The following GAREM2 variants were observed in gnomAD, a reference collection of about 807,000 sequenced individuals.
GAREM2 encodes GRB2 associated regulator of MAPK1 subtype 2, also known as GRB2-associated and regulator of MAPK protein 2.
In GAREM2, 30 loss-of-function variants were observed where a neutral mutation model predicts 55.6. That is an observed-to-expected ratio of 0.54 (90% CI 0.40 to 0.73). The LOEUF is 0.73. Ranked by LOEUF, GAREM2 falls within the 30% of genes least tolerant of loss-of-function variation. The pLI is 0.00. For missense variants in GAREM2, 1,075 were observed against 1,257.7 expected, an observed-to-expected ratio of 0.85 and a Z score of 2.20; for synonymous variants, 550 against 569.1, an observed-to-expected ratio of 0.97 and a Z score of 0.48.
At chr2:26,190,185 C>G (rs1362030174), downstream of GAREM2, among the ~76,000 whole-genome samples, 1 of 152,136 alleles carries the variant, frequency 6.6e-6, no homozygotes, top group Non-Finnish European at 1.5e-5. Flanking sequence ...GAGCTGGGAC[C>G]AGGGACATAT....
chr2:26,198,661 T>TAA, the GAREM2 span, among the ~76,000 whole-genome samples: 64 of 148,770 alleles, frequency 4.3e-4, no homozygotes, highest in Admixed American at 8.7e-4. Flanking sequence ...CCTTAAGATT[T>TAA]AAAAAAAAAA....
intron 3 of GAREM2, 125 bp from the exon 4 acceptor site, chr2:26,184,108 C>CATCT: frequency 7.1e-7 from 1 of 1,405,784 alleles, no homozygotes; most frequent in East Asian, 2.7e-5. Flanking sequence ...CCTGGCCTAC[C>CATCT]ATCTAGTCCG....
At chr2:26,180,941 T>C in intron 2 of GAREM2, 2 of 985,516 alleles carry the variant, frequency 2.0e-6, no homozygotes, top group Non-Finnish European at 2.4e-6. Context: ...CTGACCAGGC[T>C]GGTGGCCTGA....
Position 26,187,498 on chromosome 2 carries a change from G to C in GAREM2, c.1866G>C (p.Lys622Asn), listed in dbSNP as rs1669315665. Residue 622 changes from lysine to asparagine, a missense_variant, in exon 6 of 6, where the codon AAG (lysine) becomes AAC (asparagine). Transcript: ENST00000401533. ...TATTCAAGCCCTCACATCCCCAGAAGCGCTTTGCTCCGTTTGGAGCTCTCA... is the reference window on the plus strand; with the variant it reads ...TATTCAAGCCCTCACATCCCCAGAACCGCTTTGCTCCGTTTGGAGCTCTCA... ...PPLFKPSHPQKRFAPFGALNP... is the reference protein window; with the variant it reads ...PPLFKPSHPQNRFAPFGALNP... The C allele has an allele frequency of 1.3e-6, 2 of 1,545,706 alleles. No homozygotes were observed. The highest frequency in any genetic ancestry group is 2.7e-5 in the African/African-American group (2 of 72,966).
Position 26,185,285 on chromosome 2 carries a change from G to C in GAREM2, c.1428+9G>C, listed in dbSNP as rs1669210937. On this transcript the variant is annotated intron_variant, in intron 4 of 5. Transcript: ENST00000401533. Reference sequence around the variant, plus strand: ...CTCCCAAATCCGAGGCGGTGAGTGAGCGCGCTGGGGGCCGAGTCCCGGGTC... The same window carrying C: ...CTCCCAAATCCGAGGCGGTGAGTGACCGCGCTGGGGGCCGAGTCCCGGGTC... 2.0e-6 allele frequency: 3 copies of C among 1,501,574 alleles called. No homozygotes were observed. In the African/African-American group the frequency reaches 4.3e-5, roughly 22 times the overall value. 93.0% of individuals were successfully genotyped at this position (1,501,574 alleles called of 1,614,324 possible). A position where few individuals can be genotyped will look rare whatever the true frequency, so the allele number is the denominator to read the frequency against.
chr2:26,173,394 G>A, intron 1 of GAREM2, 62 bp downstream of exon 1: 1 of 925,610 alleles, frequency 1.1e-6, no homozygotes, highest in Non-Finnish European at 1.4e-6. Flanking sequence ...TCTCCAGCCA[G>A]GGGCCAGAGG....
the GAREM2 span, chr2:26,194,780 T>TA: frequency 1.4e-6 from 1 of 729,500 alleles, no homozygotes; most frequent in East Asian, 2.6e-5. Flanking sequence ...TCAGAATCCT[T>TA]AAAAATGAAA....
rs975923125 is a variant in GAREM2 at position 26,187,175 on chromosome 2, C to T, written c.1599-56C>T. The T allele has an allele frequency of 1.6e-5, 23 of 1,410,452 alleles. No individual in the cohort carries two copies. In the Admixed American group the frequency reaches 1.6e-4, roughly 10 times the overall value. The allele number at this position is 1,410,452 out of a possible 1,614,324, so 87.4% of individuals were successfully genotyped here. ...GGTTGCAATGCATGTGTGACCCTAT[C>T]GGATTCCCTCTCAGCCTCACCTGTC... On this transcript the variant is annotated intron_variant, in intron 5 of 5. Coordinates refer to ENST00000401533, the MANE Select transcript of GAREM2 (RefSeq NM_001168241.2).
At chr2:26,193,806 AG>A (rs762714379), downstream of GAREM2, 1,185 of 1,567,786 alleles carry the variant, frequency 7.6e-4, 3 homozygotes, top group Non-Finnish European at 8.0e-4. Flanking sequence ...CCTCAGGGGA[AG>A]GGCAGCCCAA....
chr2:26,179,004 G>C lies in GAREM2; in HGVS notation c.253+2520G>C, dbSNP rs1033907081. Among the ~76,000 whole-genome samples the C allele has an allele frequency of 2.7e-5, 4 of 149,480 alleles. No homozygotes were observed. The highest frequency in any genetic ancestry group is 9.9e-5 in the African/African-American group (4 of 40,264). ...GATTTCTCCTAATGAATTAATAATG[G>C]CGCTCGGGCGGGCGGGGGTGGCCGG... On this transcript the variant is annotated intron_variant, in intron 2 of 5. Transcript: ENST00000401533. This position sits in a 1 kb window ranked among gnomAD's most constrained non-coding sequence, Gnocchi z 4.7.
the GAREM2 span, among the ~76,000 whole-genome samples, chr2:26,194,825 T>A: frequency 2.9e-3 from 441 of 152,136 alleles, 1 homozygote; most frequent in African/African-American, 9.1e-3. Context: ...TAGCCTGGCT[T>A]GAATCAAACA....
downstream of GAREM2, chr2:26,193,915 C>G: frequency 1.5e-6 from 1 of 673,172 alleles, no homozygotes; most frequent in Non-Finnish European, 2.6e-6. Flanking sequence ...GGTGCTATTT[C>G]ATTCAGGGAA....
chr2:26,188,426 G>A lies in GAREM2; in HGVS notation c.*169G>A, dbSNP rs1374342999. 3 of 509,288 alleles carry A rather than the reference G, an allele frequency of 5.9e-6. No homozygotes were observed. The highest frequency in any genetic ancestry group is 1.0e-5 in the Non-Finnish European group (3 of 298,154). The allele number at this position is 509,288 out of a possible 1,614,324, so 31.5% of individuals were successfully genotyped here. On this transcript the variant is annotated 3_prime_UTR_variant, in exon 6 of 6. Coordinates refer to ENST00000401533, the MANE Select transcript of GAREM2 (RefSeq NM_001168241.2). The stretch of plus-strand genomic sequence containing the variant: ...GCATGTGGAAATGTGGTCCTCTGGG[G>A]TCAGACCCCTGCACGGGACATCTTG...
the GAREM2 span, chr2:26,204,095 G>T: frequency 6.2e-7 from 1 of 1,613,682 alleles, no homozygotes; most frequent in South Asian, 1.1e-5. Context: ...TCGGTCTAGC[G>T]CAGTGAGGGT....
Position 26,187,928 on chromosome 2 carries a change from G to A in GAREM2, c.2296G>A (p.Glu766Lys), listed in dbSNP as rs772514201. 2.5e-5 allele frequency: 36 copies of A among 1,449,760 alleles called. No individual in the cohort carries two copies. Among genetic ancestry groups the A allele is most frequent in the African/African-American group, 4.3e-5 (3 of 69,558 alleles). 89.8% of individuals were successfully genotyped at this position (1,449,760 alleles called of 1,614,324 possible). Reference sequence around the variant, plus strand: ...GTCACCAGCTGCTCTGCAGGGACCCGAGGCGGGAGGAGCACTTTTTCTAAC... The same window carrying A: ...GTCACCAGCTGCTCTGCAGGGACCCAAGGCGGGAGGAGCACTTTTTCTAAC... ...PLSPAALQGP[E>K]AGGALFLTQG... Residue 766 changes from glutamate (E) to lysine (K), a missense_variant, in exon 6 of 6, where the codon GAG (glutamate) becomes AAG (lysine). By Grantham distance (56) the Glu-to-Lys change is moderately conservative (BLOSUM62 1). This residue lies in a region of GAREM2 where 142 missense variants were observed against 172.3 expected (regional missense o/e 0.82). Coordinates refer to ENST00000401533, the MANE Select transcript of GAREM2 (RefSeq NM_001168241.2).
At chr2:26,178,801 C>T (rs926818940) in intron 2 of GAREM2, among the ~76,000 whole-genome samples, 3 of 144,826 alleles carry the variant, frequency 2.1e-5, no homozygotes, top group Non-Finnish European at 4.6e-5. Flanking sequence ...CGGTGGTGGT[C>T]TTGGAGGGGT....
the GAREM2 span, among the ~76,000 whole-genome samples, chr2:26,202,704 G>A: frequency 6.6e-6 from 1 of 152,206 alleles, no homozygotes; most frequent in Non-Finnish European, 1.5e-5. Flanking sequence ...TTGCACCATT[G>A]TGCTCTAGCC....
At chr2:26,176,593 T>C in intron 2 of GAREM2, 109 bp downstream of exon 2, 2 of 1,093,954 alleles carry the variant, frequency 1.8e-6, no homozygotes, top group Non-Finnish European at 2.4e-6. Flanking sequence ...GTGATTAGGG[T>C]TAGGGTTGGA....
At chr2:26,173,775 C>T (rs1315843268) in intron 1 of GAREM2, among the ~76,000 whole-genome samples, 1 of 152,202 alleles carries the variant, frequency 6.6e-6, no homozygotes, top group Non-Finnish European at 1.5e-5. Context: ...AGTCCTGCTC[C>T]GCCCCTCTGG....
Sources: gnomAD v4.1 joint callset for allele counts (sites outside exome capture counted in the v4.1 genomes callset) on GRCh38, gnomAD v4.1.1 for gene constraint, gnomAD v4.1.1 regional missense constraint, Gnocchi (gnomAD v3.1) non-coding constraint, MANE v1.5 for transcripts, NCBI Gene and HGNC (gene_info 2026-07-23, HGNC 2026-07-21) for gene names.